The following EBF1 variants were observed in gnomAD, a reference collection of about 807,000 sequenced individuals.
EBF1 encodes EBF transcription factor 1, also known as transcription factor COE1.
EBF1 carries 10 observed loss-of-function variants against 68.4 expected under a neutral mutation model. The ratio of observed to expected loss-of-function variants is 0.15; its 90% CI spans 0.09 to 0.25. The LOEUF is 0.25. Ranked by LOEUF, EBF1 falls within the 10% of genes least tolerant of loss-of-function variation. The pLI is 1.00. For missense variants in EBF1, 509 were observed against 794.4 expected (o/e 0.64, Z 4.32); for synonymous variants, 298 against 299.8 (o/e 0.99, Z 0.06).
At chr5:159,047,400 G>T (rs375758599) in intron 6 of EBF1, among the ~76,000 whole-genome samples, 2 of 152,162 alleles carry the variant, frequency 1.3e-5, no homozygotes, top group Admixed American at 1.3e-4. Flanking sequence ...GGAGAGAAGG[G>T]TCTCTAGAGA....
intron 6 of EBF1, among the ~76,000 whole-genome samples, chr5:159,029,516 C>T (rs150493810): frequency 4.7e-4 from 71 of 152,198 alleles, no homozygotes; most frequent in Middle Eastern, 3.4e-3. Flanking sequence ...GGGAAGAATG[C>T]GTGGGGCTAT....
chr5:158,852,624 A>G (rs1331327563), intron 6 of EBF1, among the ~76,000 whole-genome samples: 1 of 152,246 alleles, frequency 6.6e-6, no homozygotes, highest in East Asian at 1.9e-4. Context: ...AGTCTATATT[A>G]TAGACGATCC....
chr5:158,980,469 C>T (rs60105107), intron 6 of EBF1, among the ~76,000 whole-genome samples: 5 of 152,234 alleles, frequency 3.3e-5, no homozygotes, highest in Admixed American at 2.6e-4. Context: ...AGACTCCTCT[C>T]TCTGTCTCCA....
chr5:158,934,037 A>C (rs1467816273), intron 6 of EBF1, among the ~76,000 whole-genome samples: 1 of 152,224 alleles, frequency 6.6e-6, no homozygotes, highest in Non-Finnish European at 1.5e-5. Flanking sequence ...ACTATTGAAA[A>C]TAGAATCTCA....
At chr5:158,898,638 G>T (rs1188967294) in intron 6 of EBF1, among the ~76,000 whole-genome samples, 1 of 152,170 alleles carries the variant, frequency 6.6e-6, no homozygotes, top group African/African-American at 2.4e-5. Context: ...CTTCACTTCT[G>T]CTATTTTCAA....
intron 15 of EBF1, among the ~76,000 whole-genome samples, chr5:158,699,905 T>C (rs1367980352): frequency 6.6e-6 from 1 of 152,228 alleles, no homozygotes; most frequent in Non-Finnish European, 1.5e-5. Flanking sequence ...GTTGAAAGCA[T>C]TCAAAGCTAG....
chr5:158,807,085 T>A (rs942172161), intron 8 of EBF1, among the ~76,000 whole-genome samples: 1 of 152,178 alleles, frequency 6.6e-6, no homozygotes, highest in South Asian at 2.1e-4. Context: ...ACTTCCATCA[T>A]CACAGGAAGT....
rs116482465 is a variant in EBF1, at chr5:158,840,269, C to T, written c.555-159G>A. 3.8e-3 allele frequency: 2,336 copies of T among 608,480 alleles called. 38 individuals are homozygous for T. Among genetic ancestry groups the T allele is most frequent in the African/African-American group, 0.037 (1,992 of 53,888 alleles). The allele number at this position is 608,480 out of a possible 1,614,324, so 37.7% of individuals were successfully genotyped here. ...CCAATATTTCATTTGTGGCTTTAGC[C>T]TTTGTTTTGTTTCCACGCTGGACCT... On this transcript the variant is annotated intron_variant, in intron 6 of 15. Transcript: ENST00000313708.
At chr5:158,753,960 G>A (rs1769490372) in intron 10 of EBF1, among the ~76,000 whole-genome samples, 1 of 151,292 alleles carries the variant, frequency 6.6e-6, no homozygotes, top group South Asian at 2.1e-4. Context: ...TTTTTTTCTG[G>A]CTAAAATATA....
chr5:159,071,732 C>G (rs1300611799), intron 6 of EBF1, among the ~76,000 whole-genome samples: 1 of 146,130 alleles, frequency 6.8e-6, no homozygotes, highest in Admixed American at 6.8e-5. Flanking sequence ...AACCCATTCA[C>G]AAGCGAAAAA....
intron 6 of EBF1, among the ~76,000 whole-genome samples, chr5:158,920,139 C>T (rs369387267): frequency 1.3e-5 from 2 of 151,834 alleles, no homozygotes; most frequent in East Asian, 3.9e-4. Context: ...AAAAAAGGTG[C>T]TCATTATATA....
At chr5:158,704,438 A>T (rs939208721) in intron 15 of EBF1, among the ~76,000 whole-genome samples, 6 of 152,168 alleles carry the variant, frequency 3.9e-5, no homozygotes, top group African/African-American at 1.4e-4. Context: ...TGGCACCTCT[A>T]ATCTTGTTGA....
intron 6 of EBF1, among the ~76,000 whole-genome samples, chr5:158,962,021 C>T (rs990857605): frequency 7.9e-5 from 12 of 152,166 alleles, no homozygotes; most frequent in African/African-American, 2.9e-4. Flanking sequence ...GATGCACAGG[C>T]CGATCAACCA....
intron 11 of EBF1, among the ~76,000 whole-genome samples, chr5:158,719,678 G>A (rs1335121066): frequency 1.3e-5 from 2 of 152,106 alleles, no homozygotes; most frequent in Admixed American, 1.3e-4. Flanking sequence ...AGATGAGCAG[G>A]GAAGATAGTC....
chr5:158,769,892 G>T (rs1773533305), intron 10 of EBF1, among the ~76,000 whole-genome samples: 1 of 151,964 alleles, frequency 6.6e-6, no homozygotes, highest in South Asian at 2.1e-4. Context: ...TTTCTTGTTG[G>T]GTCTATTCCA....
rs202004918 is a variant in EBF1 at position 158,731,055 on chromosome 5, G to A, written c.1125+14C>T. On this transcript the variant is annotated intron_variant, in intron 11 of 15. Transcript: ENST00000313708. ...TCCAAATTTTCAGGAATTACAAAAA[G>A]GCAGTATCCTCACCTTTGGCAAACG... 197 of 1,610,246 alleles carry A rather than the reference G, an allele frequency of 1.2e-4. No homozygotes were observed. Among genetic ancestry groups the A allele is most frequent in the Non-Finnish European group, 1.6e-4 (187 of 1,177,934 alleles).
intron 10 of EBF1, among the ~76,000 whole-genome samples, chr5:158,749,094 G>A (rs7731741): frequency 0.02 from 3,048 of 152,222 alleles, 98 homozygotes; most frequent in African/African-American, 0.068. Flanking sequence ...GCCCTTCTAT[G>A]CCAGGAGAAG....
chr5:158,704,783 G>C (rs1757509296), intron 15 of EBF1, among the ~76,000 whole-genome samples: 1 of 152,188 alleles, frequency 6.6e-6, no homozygotes, highest in Non-Finnish European at 1.5e-5. Context: ...CCCTGCTGGA[G>C]ATTGTGTGCA....
chr5:159,053,225 G>C (rs1774127546), intron 6 of EBF1, among the ~76,000 whole-genome samples: 1 of 152,182 alleles, frequency 6.6e-6, no homozygotes, highest in Admixed American at 6.5e-5. Flanking sequence ...TTAACCAACT[G>C]AAGCCCCAGT....
Sources: allele counts gnomAD v4.1 joint callset (sites outside exome capture counted in the v4.1 genomes callset), GRCh38; gene constraint gnomAD v4.1.1; transcripts MANE v1.5; gene names NCBI Gene and HGNC (gene_info 2026-07-23, HGNC 2026-07-21).